TMTC4: variants seen among roughly 807,000 people sequenced by gnomAD.
The protein encoded by TMTC4 is transmembrane O-mannosyltransferase targeting cadherins 4.
In TMTC4, 65 loss-of-function variants were observed where a neutral mutation model predicts 86.0. That is an observed-to-expected ratio of 0.76 (90% CI 0.62 to 0.93). TMTC4 has a LOEUF of 0.93. Ranked by LOEUF, TMTC4 falls within the 40% of genes least tolerant of loss-of-function variation. TMTC4 has a pLI of 0.00. For missense variants in TMTC4, 866 were observed against 948.1 expected, an observed-to-expected ratio of 0.91 and a Z score of 1.14; for synonymous variants, 379 against 382.5, an observed-to-expected ratio of 0.99 and a Z score of 0.11.
At chr13:100,634,687 A>T in intron 12 of TMTC4, 118 bp downstream of exon 12, 1 of 1,274,394 alleles carries the variant, frequency 7.8e-7, no homozygotes, top group South Asian at 2.1e-5. Context: ...GAAAAACCCA[A>T]GTATTCGGTC....
At chr13:100,672,077 T>G (rs1887179381) in intron 1 of TMTC4, among the ~76,000 whole-genome samples, 1 of 152,030 alleles carries the variant, frequency 6.6e-6, no homozygotes, top group African/African-American at 2.4e-5. Context: ...CAGAAGGTGG[T>G]GGTAAGGATT....
chr13:100,637,622 C>CA lies in TMTC4; in HGVS notation c.914dup (p.Arg306AlafsTer23). 1 of 1,614,188 alleles carries CA rather than the reference C, an allele frequency of 6.2e-7. No homozygotes were observed. Among genetic ancestry groups the CA allele is most frequent in the Non-Finnish European group, 8.5e-7 (1 of 1,180,042 alleles). On this transcript the variant is annotated frameshift_variant, in exon 9 of 19. Coordinates refer to ENST00000342624, the MANE Select transcript of TMTC4 (RefSeq NM_032813.5). LOFTEE classifies it high-confidence loss of function. ...GGCCCGTGCCCATGATCCTCCAGCG[C>CA]ACGTAGAGCATCCCAGCCCCTCCAG...
chr13:100,673,014 G>A (rs984996141), intron 1 of TMTC4, among the ~76,000 whole-genome samples: 1 of 152,180 alleles, frequency 6.6e-6, no homozygotes, highest in Non-Finnish European at 1.5e-5. Flanking sequence ...CACAACCCAG[G>A]AGGAATGAAG....
upstream of TMTC4, chr13:100,675,018 A>C: frequency 2.0e-6 from 2 of 985,604 alleles, no homozygotes; most frequent in African/African-American, 1.7e-5. Flanking sequence ...CGGTGACGTC[A>C]GGCCAGGGGG....
intron 7 of TMTC4, 117 bp downstream of exon 7, chr13:100,642,094 C>T (rs1411169525): frequency 5.9e-6 from 6 of 1,019,514 alleles, no homozygotes. Flanking sequence ...CACCTCAGGC[C>T]AGCAATGGGA....
chr13:100,637,527 T>A lies in TMTC4; in HGVS notation c.999+11A>T, dbSNP rs749598733. 1.7e-5 allele frequency: 27 copies of A among 1,607,488 alleles called. No individual in the cohort carries two copies. Among genetic ancestry groups the A allele is most frequent in the Non-Finnish European group, 1.7e-5 (20 of 1,176,082 alleles). ...GAAAAGAGTCCAGGGGGCGGCAGGC[T>A]CAGAACTCACCCTCACCAGCATGCT... On this transcript the variant is annotated intron_variant, in intron 9 of 18. Transcript: ENST00000342624.
upstream of TMTC4, chr13:100,675,075 G>T (rs894104936): frequency 2.9e-5 from 29 of 985,424 alleles, no homozygotes; most frequent in Non-Finnish European, 3.4e-5. Context: ...GACCCGGCGG[G>T]AGAGGAGGAA....
chr13:100,647,367 A>T (rs1383139247), intron 6 of TMTC4, among the ~76,000 whole-genome samples: 2 of 152,182 alleles, frequency 1.3e-5, no homozygotes, highest in African/African-American at 4.8e-5. Flanking sequence ...CAAGTTGACC[A>T]GGCGCTCAGC....
intron 1 of TMTC4, among the ~76,000 whole-genome samples, chr13:100,672,693 T>C (rs1035925940): frequency 2.0e-5 from 3 of 152,206 alleles, no homozygotes; most frequent in African/African-American, 7.2e-5. Flanking sequence ...GGTCTCACTA[T>C]GTTGCCCAGG....
rs1369569747 is a variant in TMTC4 at position 100,642,293 on chromosome 13, T to C, written c.659A>G (p.His220Arg). 1.9e-6 allele frequency: 3 copies of C among 1,614,096 alleles called. No individual in the cohort carries two copies. The highest frequency in any genetic ancestry group is 2.7e-5 in the African/African-American group (2 of 74,938). ...AFRESNKEGA[H>R]SSTFWVLLSI... ...CAGCAGCACCCAGAAGGTGGAAGAATGCGCTCCCTCCTTGTTACCTGCCAA... is the reference window on the plus strand; with the variant it reads ...CAGCAGCACCCAGAAGGTGGAAGAACGCGCTCCCTCCTTGTTACCTGCCAA... Residue 220 changes from histidine to arginine, a missense_variant, in exon 7 of 19, where the codon CAT becomes CGT. By Grantham distance (29) the His-to-Arg change is conservative. Transcript: ENST00000342624.
At chr13:100,661,852 C>T (rs9513779) in intron 5 of TMTC4, among the ~76,000 whole-genome samples, 40,201 of 152,060 alleles carry the variant, frequency 0.26, 5,899 homozygotes, top group Non-Finnish European at 0.34. Flanking sequence ...TATTTCAATC[C>T]CTAAGAAACG....
At chr13:100,611,311 C>T (rs2390488) in intron 17 of TMTC4, among the ~76,000 whole-genome samples, 43,290 of 152,138 alleles carry the variant, frequency 0.28, 7,415 homozygotes, top group East Asian at 0.4. Flanking sequence ...TCCAGCTGGG[C>T]GTGGTGGCTC....
At chr13:100,630,615 G>T (rs536041337) in intron 12 of TMTC4, among the ~76,000 whole-genome samples, 138 of 152,264 alleles carry the variant, frequency 9.1e-4, no homozygotes, top group Non-Finnish European at 1.4e-3. Context: ...TAGGGCCGGA[G>T]AATCCAATCT....
intron 12 of TMTC4, among the ~76,000 whole-genome samples, chr13:100,627,776 CA>C (rs1262800115): frequency 6.6e-6 from 1 of 152,084 alleles, no homozygotes; most frequent in African/African-American, 2.4e-5. Flanking sequence ...AGCAGGAAGC[CA>C]GGGGTGGGAG....
chr13:100,613,784 T>G (rs1471385740), intron 16 of TMTC4, among the ~76,000 whole-genome samples: 1 of 125,556 alleles, frequency 8.0e-6, no homozygotes, highest in Non-Finnish European at 1.7e-5. Context: ...CTCCCTCCCT[T>G]CCTTCCTGCC....
Position 100,652,300 on chromosome 13 carries a change from G to A in TMTC4, c.640+4081C>T, listed in dbSNP as rs187388673. 6.1e-4 allele frequency among the ~76,000 whole-genome samples: 93 copies of A among 152,134 alleles called. 2 individuals are homozygous for A. The East Asian group carries it at 0.013, about 22-fold the overall frequency. On this transcript the variant is annotated intron_variant, in intron 6 of 18. Coordinates refer to ENST00000342624, the MANE Select transcript of TMTC4 (RefSeq NM_032813.5). Reference sequence around the variant, plus strand: ...TCAAGACCAGCCTGGCCAATGTGGCGAAACCCCGTCTCTACTAAAAACACA... The same window carrying A: ...TCAAGACCAGCCTGGCCAATGTGGCAAAACCCCGTCTCTACTAAAAACACA...
At chr13:100,636,825 T>C (rs1036908357) in intron 9 of TMTC4, 91 bp from the exon 10 acceptor site, 7 of 1,325,668 alleles carry the variant, frequency 5.3e-6, no homozygotes, top group Non-Finnish European at 6.4e-6. Flanking sequence ...GGCACTCATA[T>C]GCTTCTGCTC....
rs1566639924 is a variant in TMTC4 at position 100,663,109 on chromosome 13, C to T, written c.407G>A (p.Gly136Asp). The T allele has an allele frequency of 6.2e-7, 1 of 1,614,196 alleles. No individual in the cohort carries two copies. Among genetic ancestry groups the T allele is most frequent in the East Asian group, 2.2e-5 (1 of 44,874 alleles). Reference protein sequence around the residue: ...FHVVNILLHSGISVLMVDVFS... With the variant: ...FHVVNILLHSDISVLMVDVFS... ...GACGTCCACCATGAGGACAGAGATGCCACTGTGCAGGAGGATGTTGACCAC... is the reference window on the plus strand; with the variant it reads ...GACGTCCACCATGAGGACAGAGATGTCACTGTGCAGGAGGATGTTGACCAC... The change falls in exon 5 of 19, where the codon GGC becomes GAC. Residue 136 changes from glycine (G) to aspartate (D), a missense_variant. Gly to Asp is a moderately conservative substitution (Grantham distance 94). Transcript: ENST00000342624.
At chr13:100,670,321 G>A (rs746217881) in intron 2 of TMTC4, 39 bp downstream of exon 2, 1 of 1,600,346 alleles carries the variant, frequency 6.2e-7, no homozygotes, top group East Asian at 2.3e-5. Flanking sequence ...TTCTGTCTGA[G>A]TGAAGATGGA....
Sources: allele counts gnomAD v4.1 joint callset (sites outside exome capture counted in the v4.1 genomes callset), GRCh38; gene constraint gnomAD v4.1.1; transcripts MANE v1.5; gene names NCBI Gene and HGNC (gene_info 2026-07-23, HGNC 2026-07-21).